RGS6: variants seen among roughly 807,000 people sequenced by gnomAD.
RGS6 encodes regulator of G-protein signaling 6.
Under a neutral mutation model 78.5 loss-of-function variants are expected in RGS6, and 30 were observed. The ratio of observed to expected loss-of-function variants is 0.38; its 90% CI spans 0.29 to 0.52. The LOEUF (loss-of-function observed/expected upper bound fraction) is 0.52. RGS6 is among the 20% of genes least tolerant of loss of function. RGS6 has a pLI of 0.85. For synonymous variants in RGS6, 206 were observed against 206.0 expected (o/e 1.00, Z 0.00); for missense variants, 495 against 609.7 (o/e 0.81, Z 1.98).
At chr14:72,182,326 G>C (rs946737645) in intron 2 of RGS6, among the ~76,000 whole-genome samples, 3 of 150,752 alleles carry the variant, frequency 2.0e-5, no homozygotes, top group Non-Finnish European at 4.4e-5. Context: ...TGTAGTCCCA[G>C]CTACTCGGGA....
At chr14:72,140,593 A>G (rs573987087) in intron 2 of RGS6, among the ~76,000 whole-genome samples, 1 of 152,360 alleles carries the variant, frequency 6.6e-6, no homozygotes, top group South Asian at 2.1e-4. Flanking sequence ...AGTGACCCAA[A>G]ACACCATTGC....
chr14:72,614,194 G>A, the RGS6 span, among the ~76,000 whole-genome samples: 1 of 152,178 alleles, frequency 6.6e-6, no homozygotes, highest in Non-Finnish European at 1.5e-5. Flanking sequence ...ATGGGGGAGG[G>A]AGCCCCAACC....
intron 3 of RGS6, among the ~76,000 whole-genome samples, chr14:72,425,181 C>A (rs2094383441): frequency 6.6e-6 from 1 of 152,194 alleles, no homozygotes; most frequent in African/African-American, 2.4e-5. Flanking sequence ...CTGTGTCACC[C>A]AGGCTAGAGT....
At chr14:72,306,190 A>C (rs1019673306) in intron 2 of RGS6, among the ~76,000 whole-genome samples, 1 of 152,190 alleles carries the variant, frequency 6.6e-6, no homozygotes, top group African/African-American at 2.4e-5. Context: ...CTGTTTACAG[A>C]AGGATTTATT....
chr14:72,605,996 G>C, the RGS6 span, among the ~76,000 whole-genome samples: 1 of 152,024 alleles, frequency 6.6e-6, no homozygotes, highest in Admixed American at 6.6e-5. Flanking sequence ...TGAAAGTTGG[G>C]GCTCAAGGCT....
At position 72,186,675 on chromosome 14, in the gene RGS6, C is replaced by G. The variant is rs563223356; in HGVS notation, c.85-165420C>G. On this transcript the variant is annotated intron_variant, in intron 2 of 17. Coordinates refer to ENST00000553525, the MANE Select transcript of RGS6 (RefSeq NM_001204424.2). ...GCCAAGGAAGATGATTACTACAGGCCTTAGTACCGACCTCTATTTACTTCA... is the reference window on the plus strand; with the variant it reads ...GCCAAGGAAGATGATTACTACAGGCGTTAGTACCGACCTCTATTTACTTCA... 4.5e-3 allele frequency among the ~76,000 whole-genome samples: 690 copies of G among 152,250 alleles called. 4 individuals carry two copies. The highest frequency in any genetic ancestry group is 0.016 in the African/African-American group (670 of 41,530).
At chr14:72,212,400 G>T (rs1226476530) in intron 2 of RGS6, among the ~76,000 whole-genome samples, 1 of 152,186 alleles carries the variant, frequency 6.6e-6, no homozygotes, top group Non-Finnish European at 1.5e-5. Context: ...ACAGAGAGGA[G>T]AGTAATGGTC....
intron 3 of RGS6, among the ~76,000 whole-genome samples, chr14:72,374,249 C>T (rs2084143491): frequency 6.7e-6 from 1 of 150,256 alleles, no homozygotes; most frequent in East Asian, 2.0e-4. Flanking sequence ...CTCCCCCCAC[C>T]CCACGACAGG....
intron 2 of RGS6, among the ~76,000 whole-genome samples, chr14:72,003,510 T>TA (rs1344045718): frequency 6.6e-6 from 1 of 152,276 alleles, no homozygotes; most frequent in African/African-American, 2.4e-5. Context: ...AAAGAATTTT[T>TA]AAACATACCT....
At chr14:71,985,275 C>T (rs572419725) in intron 2 of RGS6, among the ~76,000 whole-genome samples, 68 of 152,282 alleles carry the variant, frequency 4.5e-4, no homozygotes, top group African/African-American at 1.5e-3. Flanking sequence ...AGGCATGTGC[C>T]ACCATGCCCA....
chr14:72,383,103 G>A (rs879426530), intron 3 of RGS6, among the ~76,000 whole-genome samples: 1 of 144,736 alleles, frequency 6.9e-6, no homozygotes, highest in Non-Finnish European at 1.5e-5. Flanking sequence ...GTTGCATTTT[G>A]CAATTAAAAT....
At chr14:72,560,431 C>T (rs74552272) in intron 17 of RGS6, among the ~76,000 whole-genome samples, 3,714 of 152,294 alleles carry the variant, frequency 0.024, 165 homozygotes, top group African/African-American at 0.086. Flanking sequence ...TGCCCCACAC[C>T]CCCATGTTTC....
chr14:72,335,332 T>A (rs574544515), intron 2 of RGS6, among the ~76,000 whole-genome samples: 6 of 152,270 alleles, frequency 3.9e-5, no homozygotes, highest in Non-Finnish European at 8.8e-5. Flanking sequence ...ACTGCCCCCA[T>A]CCCTGTTTGT....
chr14:72,257,902 C>G (rs1463793857), intron 2 of RGS6, among the ~76,000 whole-genome samples: 1 of 152,234 alleles, frequency 6.6e-6, no homozygotes, highest in Non-Finnish European at 1.5e-5. Flanking sequence ...TTAAAAACCA[C>G]TGCTCTAGCA....
chr14:72,427,108 A>C (rs1317242841), intron 3 of RGS6, among the ~76,000 whole-genome samples: 4 of 152,240 alleles, frequency 2.6e-5, no homozygotes, highest in African/African-American at 9.6e-5. Context: ...TCTTGAAAGT[A>C]CTGTAGGTTC....
chr14:72,481,650 A>G (rs377119607), intron 12 of RGS6, among the ~76,000 whole-genome samples: 1 of 152,028 alleles, frequency 6.6e-6, no homozygotes, highest in East Asian at 1.9e-4. Flanking sequence ...TGGCAACCAA[A>G]CTGCATTTCC....
downstream of RGS6, among the ~76,000 whole-genome samples, chr14:72,568,641 G>A (rs1042267985): frequency 3.9e-5 from 6 of 152,150 alleles, no homozygotes; most frequent in Admixed American, 2.6e-4. Context: ...GGCCGGAGGC[G>A]CCCTCCCCAG....
chr14:72,490,016 G>A (rs949090560), intron 12 of RGS6, among the ~76,000 whole-genome samples: 3 of 152,166 alleles, frequency 2.0e-5, no homozygotes, highest in African/African-American at 4.8e-5. Flanking sequence ...TCCTGCCATA[G>A]TGCTTTCTTA....
At chr14:72,067,880 T>C (rs2094227898) in intron 2 of RGS6, among the ~76,000 whole-genome samples, 5 of 152,088 alleles carry the variant, frequency 3.3e-5, no homozygotes, top group Admixed American at 3.3e-4. Context: ...TCCACATCCC[T>C]TGGGAGCTGG....
Sources: allele counts gnomAD v4.1 joint callset (sites outside exome capture counted in the v4.1 genomes callset), GRCh38; gene constraint gnomAD v4.1.1; transcripts MANE v1.5; gene names NCBI Gene and HGNC (gene_info 2026-07-23, HGNC 2026-07-21).